The following GPR39 variants were observed in gnomAD, a reference collection of about 807,000 sequenced individuals.
GPR39 encodes the protein zinc sensing receptor.
A neutral mutation model predicts 18.4 loss-of-function variants in GPR39; 23 were observed. The observed-to-expected ratio is 1.25, with a 90% confidence interval of 0.90 to 1.77. The LOEUF (loss-of-function observed/expected upper bound fraction) is 1.77, where lower values mean the gene tolerates loss of function less well. Among genes scored for constraint, GPR39 ranks in the 40% most tolerant of loss-of-function variants. The probability of loss-of-function intolerance (pLI) is 0.00; values close to 1 mark genes in which losing one functional copy is unlikely to be tolerated. For missense variants in GPR39, 647 were observed against 602.4 expected, an observed-to-expected ratio of 1.07 and a Z score of -0.78; for synonymous variants, 280 against 257.9, an observed-to-expected ratio of 1.09 and a Z score of -0.82.
At chr2:132,528,901 C>A (rs994418814) in intron 1 of GPR39, among the ~76,000 whole-genome samples, 4 of 152,072 alleles carry the variant, frequency 2.6e-5, no homozygotes, top group African/African-American at 9.7e-5. Context: ...GCCAAGATGA[C>A]TGAATAGGAA....
chr2:132,520,903 G>C (rs1248704029), intron 1 of GPR39, among the ~76,000 whole-genome samples: 2 of 152,238 alleles, frequency 1.3e-5, no homozygotes, highest in Admixed American at 6.5e-5. Context: ...GGGTCAGAGA[G>C]AGGGATCTGT....
chr2:132,609,119 C>T (rs570319542), intron 1 of GPR39, among the ~76,000 whole-genome samples: 8 of 152,256 alleles, frequency 5.3e-5, no homozygotes, highest in East Asian at 1.9e-4. Flanking sequence ...GGAGGGTACA[C>T]GACAGCAGAT....
At chr2:132,482,703 C>G (rs1681257911) in intron 1 of GPR39, among the ~76,000 whole-genome samples, 2 of 152,198 alleles carry the variant, frequency 1.3e-5, no homozygotes, top group African/African-American at 2.4e-5. Flanking sequence ...TGATACCAAA[C>G]TGTTGACATC....
At chr2:132,450,282 T>C (rs1558801852) in intron 1 of GPR39, among the ~76,000 whole-genome samples, 1 of 152,164 alleles carries the variant, frequency 6.6e-6, no homozygotes, top group South Asian at 2.1e-4. Context: ...CAGCATAGAA[T>C]TGATGCAAAG....
intron 1 of GPR39, among the ~76,000 whole-genome samples, chr2:132,430,637 C>T (rs1312020281): frequency 6.6e-6 from 1 of 152,102 alleles, no homozygotes; most frequent in Admixed American, 6.6e-5. Context: ...CCACTCCATC[C>T]AGGGATGAGA....
At chr2:132,488,292 G>C (rs114875886) in intron 1 of GPR39, among the ~76,000 whole-genome samples, 6 of 152,004 alleles carry the variant, frequency 3.9e-5, no homozygotes, top group African/African-American at 1.4e-4. Context: ...CTTTAAAAGC[G>C]TATTGAGAAA....
chr2:132,495,686 G>A (rs1681627774), intron 1 of GPR39, among the ~76,000 whole-genome samples: 1 of 152,164 alleles, frequency 6.6e-6, no homozygotes, highest in African/African-American at 2.4e-5. Context: ...CTGCCAGGGA[G>A]CAGCTGGTGA....
intron 1 of GPR39, among the ~76,000 whole-genome samples, chr2:132,638,639 C>A (rs1672611782): frequency 6.6e-6 from 1 of 152,238 alleles, no homozygotes; most frequent in Admixed American, 6.5e-5. Context: ...GTGAGATCAA[C>A]ATCTCAGCTG....
At chr2:132,574,378 A>G (rs897453651) in intron 1 of GPR39, among the ~76,000 whole-genome samples, 22 of 152,206 alleles carry the variant, frequency 1.4e-4, no homozygotes, top group African/African-American at 5.3e-4. Context: ...ACTTCTAAAA[A>G]TTCTCTTTAT....
intron 1 of GPR39, among the ~76,000 whole-genome samples, chr2:132,635,766 C>T (rs2104874489): frequency 6.6e-6 from 1 of 152,220 alleles, no homozygotes; most frequent in African/African-American, 2.4e-5. Context: ...ATTTGGGGAT[C>T]GGGCTTTTAG....
At chr2:132,603,745 A>G (rs764617906) in intron 1 of GPR39, among the ~76,000 whole-genome samples, 14 of 152,184 alleles carry the variant, frequency 9.2e-5, no homozygotes, top group Non-Finnish European at 1.3e-4. Context: ...AATCCACTGA[A>G]GTCAGGAGCT....
intron 1 of GPR39, among the ~76,000 whole-genome samples, chr2:132,451,215 G>T (rs1179165857): frequency 6.6e-6 from 1 of 151,136 alleles, no homozygotes; most frequent in Admixed American, 6.6e-5. Context: ...AGTCACAAGG[G>T]TCACCCATTC....
chr2:132,471,891 T>C (rs1483913526), intron 1 of GPR39, among the ~76,000 whole-genome samples: 1 of 152,150 alleles, frequency 6.6e-6, no homozygotes, highest in African/African-American at 2.4e-5. Context: ...ACAAAAGCTC[T>C]GCAAGCCAGG....
intron 1 of GPR39, among the ~76,000 whole-genome samples, chr2:132,442,121 G>C (rs1316832839): frequency 2.6e-5 from 4 of 152,200 alleles, no homozygotes; most frequent in African/African-American, 9.7e-5. Context: ...CCCTGTCTCA[G>C]TGAGTACCAC....
intron 1 of GPR39, among the ~76,000 whole-genome samples, chr2:132,544,536 C>A (rs889080395): frequency 3.3e-5 from 5 of 152,222 alleles, no homozygotes; most frequent in African/African-American, 1.2e-4. Context: ...TGCCCCTGCC[C>A]AGGCCTCACT....
chr2:132,558,052 CT>C (rs1490756177), intron 1 of GPR39, among the ~76,000 whole-genome samples: 1 of 152,004 alleles, frequency 6.6e-6, no homozygotes, highest in African/African-American at 2.4e-5. Context: ...TTTAGGGCTT[CT>C]TTTTTGTTAT....
rs1679834258 is a variant in GPR39 at position 132,540,008 on chromosome 2, CAG to C, written c.857-105090_857-105089del. Among the ~76,000 whole-genome samples the C allele has an allele frequency of 2.0e-5, 3 of 152,212 alleles. No homozygotes were observed. In the South Asian group the frequency reaches 6.2e-4, roughly 32 times the overall value. On this transcript the variant is annotated intron_variant, in intron 1 of 1. Coordinates refer to ENST00000329321, the MANE Select transcript of GPR39 (RefSeq NM_001508.3). ...AATAATATCTTCCATCTGCACCCCA[CAG>C]AGGAAAGGAAGTTGCTATTAAGAAG...
At chr2:132,607,911 G>A (rs1265021923) in intron 1 of GPR39, among the ~76,000 whole-genome samples, 5 of 152,178 alleles carry the variant, frequency 3.3e-5, no homozygotes, top group Non-Finnish European at 4.4e-5. Flanking sequence ...TCTTATCATA[G>A]TGTGCAATTA....
At chr2:132,491,774 C>T (rs932304474) in intron 1 of GPR39, among the ~76,000 whole-genome samples, 1 of 151,844 alleles carries the variant, frequency 6.6e-6, no homozygotes, top group Non-Finnish European at 1.5e-5. Flanking sequence ...GCCTAGATTC[C>T]AGTCCTAGCT....
Sources: allele counts gnomAD v4.1 joint callset (sites outside exome capture counted in the v4.1 genomes callset), GRCh38; gene constraint gnomAD v4.1.1; transcripts MANE v1.5; gene names NCBI Gene and HGNC (gene_info 2026-07-23, HGNC 2026-07-21).